Variants in PRSS16 observed in about 807,000 individuals in gnomAD.
PRSS16 encodes the protein thymus-specific serine protease.
PRSS16 carries 43 observed loss-of-function variants against 61.7 expected under a neutral mutation model. The ratio of observed to expected loss-of-function variants is 0.70; its 90% confidence interval spans 0.55 to 0.90. The LOEUF (loss-of-function observed/expected upper bound fraction) is 0.90. Ranked by LOEUF, PRSS16 falls within the 40% of genes least tolerant of loss-of-function variation. The pLI, the probability that PRSS16 is intolerant of heterozygous loss-of-function variation, is 0.00. For synonymous variants in PRSS16, 273 were observed against 285.2 expected (o/e 0.96, Z 0.43); for missense variants, 591 against 659.1 (o/e 0.90, Z 1.13).
rs968231056 is a variant in PRSS16 at position 27,255,932 on chromosome 6, A to G, written c.*617A>G. On this transcript the variant is annotated 3_prime_UTR_variant, in exon 12 of 12. Transcript: ENST00000230582. The surrounding 1 kb of genome is among the most constrained non-coding windows in gnomAD (Gnocchi z 4.4). ...CTCTCTCTCTTGCTCTGCCATGGCT[A>G]TTTCCACTGCTCTATTTCTGACTCT... is the stretch of plus-strand genomic sequence containing the variant. 2 of 149,692 alleles carry G rather than the reference A, an allele frequency of 1.3e-5. No individual in the cohort carries two copies. The highest frequency in any genetic ancestry group is 3.0e-5 in the Non-Finnish European group (2 of 67,718). The allele number at this position is 149,692 out of a possible 1,614,324, so 9.3% of individuals were successfully genotyped here.
At position 27,251,091 on chromosome 6, in the gene PRSS16, C is replaced by T; in HGVS notation, c.641C>T (p.Ala214Val). The T allele has an allele frequency of 6.2e-7, 1 of 1,614,134 alleles. No individual in the cohort carries two copies. Among genetic ancestry groups the T allele is most frequent in the South Asian group, 1.1e-5 (1 of 91,090 alleles). The change falls in exon 6 of 12, where the codon GCC becomes GTC. Residue 214 changes from alanine to valine, a missense_variant. Ala to Val is a moderately conservative substitution (Grantham distance 64). Transcript: ENST00000230582. The surrounding 1 kb of genome is among the most constrained non-coding windows in gnomAD (Gnocchi z 5.6). ...ASVASSAPVR[A>V]VLDFSEYNDV... ...GTCGCCTCCTCCGCCCCGGTGCGGG[C>T]CGTGCTGGATTTCTCCGAGTATAAT...
chr6:27,251,000 C>G (rs1471991031), intron 5 of PRSS16, 42 bp from the exon 6 acceptor site: 1 of 1,608,256 alleles, frequency 6.2e-7, no homozygotes, highest in East Asian at 2.2e-5. Context: ...ATATGCGATT[C>G]CAACCCCTCA....
rs1285721613 is a variant in PRSS16, at chr6:27,255,321, A to G, written c.*6A>G. 6.2e-7 allele frequency: 1 copy of G among 1,602,570 alleles called. No homozygotes were observed. The highest frequency in any genetic ancestry group is 8.5e-7 in the Non-Finnish European group (1 of 1,171,890). Reference sequence around the variant, plus strand: ...AGATTAAGGGTGAAGTCTGAATCTCATACCCTTTCCACTCCCTGCATGGTC... The same window carrying G: ...AGATTAAGGGTGAAGTCTGAATCTCGTACCCTTTCCACTCCCTGCATGGTC... On this transcript the variant is annotated 3_prime_UTR_variant, in exon 12 of 12. Transcript: ENST00000230582. The surrounding 1 kb of genome is among the most constrained non-coding windows in gnomAD (Gnocchi z 4.4).
intron 9 of PRSS16, chr6:27,254,464 C>G (rs1759984485): frequency 2.0e-6 from 1 of 506,984 alleles, no homozygotes; most frequent in Non-Finnish European, 3.5e-6. Flanking sequence ...CTGAGCCCAT[C>G]ATGTTTCCTC....
intron 9 of PRSS16, chr6:27,253,367 C>T (rs1405280303): frequency 2.8e-6 from 1 of 357,036 alleles, no homozygotes; most frequent in Non-Finnish European, 5.5e-6. Context: ...ATGCCTACCT[C>T]TGCTGTCCTG....
chr6:27,248,359 C>G (rs932018543), intron 2 of PRSS16, among the ~76,000 whole-genome samples: 1 of 151,912 alleles, frequency 6.6e-6, no homozygotes, highest in Non-Finnish European at 1.5e-5. Flanking sequence ...GGACACAAAA[C>G]CTACCACCAG....
rs753745230 is a variant in PRSS16, at chr6:27,255,127, G to T, written c.1472G>T (p.Arg491Leu). The change falls in exon 11 of 12, where the codon CGC (arginine) becomes CTC (leucine). Residue 491 changes from arginine to leucine, a missense_variant. By Grantham distance (102) the Arg-to-Leu change is moderately radical (BLOSUM62 -2). Transcript: ENST00000230582. This position sits in a 1 kb window ranked among gnomAD's most constrained non-coding sequence, Gnocchi z 4.4. The stretch of plus-strand genomic sequence containing the variant: ...GACTCCCCCAGCCTCCGCCTAGGGC[G>T]CCAGGTAAGAGAAAAAAGGCTCTGA... ...PSDSPSLRLG[R>L]QNIFQQLQTW... 1.2e-5 allele frequency: 19 copies of T among 1,614,116 alleles called. No individual in the cohort carries two copies. Among genetic ancestry groups the T allele is most frequent in the East Asian group, 4.5e-5 (2 of 44,872 alleles).
At position 27,251,588 on chromosome 6, in the gene PRSS16, G is replaced by C; in HGVS notation, c.718-162G>C. ...AGGAGGGCTGCGAGGCAGGGGATTG[G>C]GGGCGGGGGCCTGGGGGCGGGGGCC... On this transcript the variant is annotated intron_variant, in intron 7 of 11. Transcript: ENST00000230582. The surrounding 1 kb of genome is among the most constrained non-coding windows in gnomAD (Gnocchi z 5.6). 1 of 938,612 alleles carries C rather than the reference G, an allele frequency of 1.1e-6. No individual in the cohort carries two copies. The allele number at this position is 938,612 out of a possible 1,614,324, so 58.1% of individuals were successfully genotyped here.
chr6:27,253,033 G>C, intron 9 of PRSS16, 84 bp downstream of exon 9: 1 of 1,555,080 alleles, frequency 6.4e-7, no homozygotes, highest in Non-Finnish European at 8.8e-7. Flanking sequence ...AGGTGGTCTG[G>C]ACTCATTTCG....
chr6:27,250,687 G>A lies in PRSS16; in HGVS notation c.472G>A (p.Ala158Thr), dbSNP rs1759859443. 19 of 1,609,856 alleles carry A rather than the reference G, an allele frequency of 1.2e-5. No individual in the cohort carries two copies. The highest frequency in any genetic ancestry group is 1.5e-5 in the Non-Finnish European group (18 of 1,177,862). The change falls in exon 5 of 12, where the codon GCT (alanine) becomes ACT (threonine). Residue 158 changes from alanine (A) to threonine (T), a missense_variant. Physicochemically the swap from Ala to Thr is moderately conservative, Grantham distance 58 (BLOSUM62 0). Transcript: ENST00000230582. ...GAGTCCCCCCTTTGACCCTAGGCTG[G>A]CTGATGTGGTCTCTGCCCGCCTGGC... ...LRFLSSRLAL[A>T]DVVSARLALS...
chr6:27,250,938 C>T, intron 5 of PRSS16, 104 bp from the exon 6 acceptor site: 1 of 1,572,868 alleles, frequency 6.4e-7, no homozygotes, highest in Non-Finnish European at 8.7e-7. Context: ...CACAAGCTGT[C>T]CTCACAAGAG....
In PRSS16 at chr6:27,250,772, A is replaced by G. The variant is rs750840621; in HGVS notation, c.557A>G (p.Tyr186Cys). ...CCCTGGATCTGCTTCGGAGGCTCCT[A>G]TGCCGGCTCCTTGGCCGCCTGGGCC... is the stretch of plus-strand genomic sequence containing the variant. Reference protein sequence around the residue: ...SSPWICFGGSYAGSLAAWARL... With the variant: ...SSPWICFGGSCAGSLAAWARL... The change falls in exon 5 of 12, where the codon TAT (tyrosine) becomes TGT (cysteine). Residue 186 changes from tyrosine (Y) to cysteine (C), a missense_variant. By Grantham distance (194) the Tyr-to-Cys change is radical (BLOSUM62 -2). Coordinates refer to ENST00000230582, the MANE Select transcript of PRSS16 (RefSeq NM_005865.4). 1 of 1,613,112 alleles carries G rather than the reference A, an allele frequency of 6.2e-7. No individual in the cohort carries two copies. The highest frequency in any genetic ancestry group is 8.5e-7 in the Non-Finnish European group (1 of 1,179,660).
At chr6:27,250,436 A>G (rs1032953406) in intron 4 of PRSS16, among the ~76,000 whole-genome samples, 4 of 152,248 alleles carry the variant, frequency 2.6e-5, no homozygotes, top group African/African-American at 9.6e-5. Flanking sequence ...ACCTAAAACG[A>G]GAAGGGAAAG....
chr6:27,251,653 G>C lies in PRSS16; in HGVS notation c.718-97G>C, dbSNP rs951195364. The C allele has an allele frequency of 6.9e-7, 1 of 1,442,886 alleles. No individual in the cohort carries two copies. Among genetic ancestry groups the C allele is most frequent in the African/African-American group, 1.4e-5 (1 of 69,910 alleles). 89.4% of individuals were successfully genotyped at this position (1,442,886 alleles called of 1,614,324 possible). The stretch of plus-strand genomic sequence containing the variant: ...GGTCTGCACCCTCTGAGTCCCGCTA[G>C]GGGAAAGTGGGGAACCCAAGGAGGA... On this transcript the variant is annotated intron_variant, in intron 7 of 11. Coordinates refer to ENST00000230582, the MANE Select transcript of PRSS16 (RefSeq NM_005865.4). The surrounding 1 kb of genome is among the most constrained non-coding windows in gnomAD (Gnocchi z 5.6).
Position 27,255,295 on chromosome 6 carries a change from C to T in PRSS16, c.1525C>T (p.Gln509Ter), listed in dbSNP as rs142712601. 8 of 1,097,136 alleles carry T rather than the reference C, an allele frequency of 7.3e-6. No homozygotes were observed. The highest frequency in any genetic ancestry group is 9.3e-6 in the Non-Finnish European group (7 of 751,304). 68.0% of individuals were successfully genotyped at this position (1,097,136 alleles called of 1,614,324 possible). The change falls in exon 12 of 12, where the codon CAG (glutamine) becomes TAG (stop). Residue 509 changes from glutamine to a stop codon, truncating the protein, a stop_gained. Transcript: ENST00000230582. LOFTEE classifies it high-confidence loss of function. The surrounding 1 kb of genome is among the most constrained non-coding windows in gnomAD (Gnocchi z 4.4). ...CTGGCTCAAGCTGGCAAAGGAGAGC[C>T]AGATTAAGGGTGAAGTCTGAATCTC... ...QTWLKLAKES[Q>*]IKGEV
At chr6:27,253,182 A>G in intron 9 of PRSS16, 1 of 544,512 alleles carries the variant, frequency 1.8e-6, no homozygotes, top group Non-Finnish European at 3.3e-6. Flanking sequence ...TCTTCCCTTC[A>G]GCCTATTCTT....
rs772503559 is a variant in PRSS16 at position 27,251,877 on chromosome 6, C to A, written c.845C>A (p.Ala282Glu). ...CCCCTGGGCCGCGCTGAAAACCAGG[C>A]GGAGCTGTTGGGGGCGCTGCAGGCA... ...CGPLGRAENQAELLGALQALV... is the reference protein window; with the variant it reads ...CGPLGRAENQEELLGALQALV... Residue 282 changes from alanine (A) to glutamate (E), a missense_variant, in exon 8 of 12, where the codon GCG (alanine) becomes GAG (glutamate). Coordinates refer to ENST00000230582, the MANE Select transcript of PRSS16 (RefSeq NM_005865.4). The surrounding 1 kb of genome is among the most constrained non-coding windows in gnomAD (Gnocchi z 5.6). 14 of 1,613,228 alleles carry A rather than the reference C, an allele frequency of 8.7e-6. No homozygotes were observed. Among genetic ancestry groups the A allele is most frequent in the Non-Finnish European group, 8.5e-7 (1 of 1,179,804 alleles).
Position 27,251,209 on chromosome 6 carries a change from G to A in PRSS16, c.670-8G>A, listed in dbSNP as rs1266060738. Reference sequence around the variant, plus strand: ...TTCCGGATACCTTCCTCTGCGGTCCGCCCACAGGTGGTATCCCGAAGCCTA... The same window carrying A: ...TTCCGGATACCTTCCTCTGCGGTCCACCCACAGGTGGTATCCCGAAGCCTA... On this transcript the variant is annotated splice_polypyrimidine_tract_variant and splice_region_variant and intron_variant, in intron 6 of 11. Transcript: ENST00000230582. The surrounding 1 kb of genome is among the most constrained non-coding windows in gnomAD (Gnocchi z 5.6). The A allele has an allele frequency of 6.2e-7, 1 of 1,612,772 alleles. No homozygotes were observed. The highest frequency in any genetic ancestry group is 1.3e-5 in the African/African-American group (1 of 74,916).
chr6:27,254,733 C>T lies in PRSS16; in HGVS notation c.1191C>T (p.Leu397=). The T allele has an allele frequency of 6.2e-7, 1 of 1,614,050 alleles. No homozygotes were observed. The highest frequency in any genetic ancestry group is 8.5e-7 in the Non-Finnish European group (1 of 1,179,900). ...ATCCCAGATGTCCTTTCTCCCAGCT[C>T]CCAGCACTGCCCTCCCAGCTAGACC... ...CENPRCPFSQ[L]PALPSQLDLC... Residue 397 remains leucine, a synonymous_variant, in exon 10 of 12, where the codon CTC becomes CTT. Transcript: ENST00000230582.
Sources: gnomAD v4.1 joint callset for allele counts (sites outside exome capture counted in the v4.1 genomes callset) on GRCh38, gnomAD v4.1.1 for gene constraint, Gnocchi (gnomAD v3.1) non-coding constraint, MANE v1.5 for transcripts, NCBI Gene and HGNC (gene_info 2026-07-23, HGNC 2026-07-21) for gene names.